Variants in GRID1 observed in about 807,000 individuals in gnomAD.
GRID1 encodes the protein glutamate receptor ionotropic, delta-1.
A neutral mutation model predicts 98.0 loss-of-function variants in GRID1; 28 were observed. The ratio of observed to expected loss-of-function variants is 0.29; its 90% CI spans 0.21 to 0.39. The LOEUF is 0.39. Ranked by LOEUF, GRID1 falls within the 10% of genes least tolerant of loss-of-function variation. The pLI, the probability that GRID1 is intolerant of heterozygous loss-of-function variation, is 1.00. For missense variants in GRID1, 1,111 were observed against 1,340.5 expected, an observed-to-expected ratio of 0.83 and a Z score of 2.67; for synonymous variants, 553 against 538.5, an observed-to-expected ratio of 1.03 and a Z score of -0.37.
At chr10:86,235,473 A>T (rs1331352649) in intron 2 of GRID1, among the ~76,000 whole-genome samples, 1 of 152,234 alleles carries the variant, frequency 6.6e-6, no homozygotes, top group African/African-American at 2.4e-5. Flanking sequence ...ACAATTGTGC[A>T]ACCATCCCCA....
At chr10:86,019,966 A>G (rs900085972) in intron 4 of GRID1, among the ~76,000 whole-genome samples, 9 of 152,252 alleles carry the variant, frequency 5.9e-5, no homozygotes, top group Non-Finnish European at 1.5e-5. Context: ...AAAGCTTGGA[A>G]TGCCCAATCT....
At chr10:86,079,683 T>C (rs1306394037) in intron 4 of GRID1, among the ~76,000 whole-genome samples, 2 of 152,134 alleles carry the variant, frequency 1.3e-5, no homozygotes, top group Non-Finnish European at 2.9e-5. Flanking sequence ...CTCCGTGTCC[T>C]CCTCTGTCCA....
chr10:86,190,816 C>T (rs1284648255), intron 3 of GRID1, among the ~76,000 whole-genome samples: 5 of 152,254 alleles, frequency 3.3e-5, no homozygotes, highest in Non-Finnish European at 4.4e-5. Context: ...TTAATGACTA[C>T]AGGCACTTCA....
At chr10:85,888,376 A>G (rs1409626216) in intron 5 of GRID1, among the ~76,000 whole-genome samples, 1 of 152,222 alleles carries the variant, frequency 6.6e-6, no homozygotes, top group Non-Finnish European at 1.5e-5. Flanking sequence ...CTCTCTGCTC[A>G]GTTCTGGCAA....
chr10:86,084,135 G>A (rs566175273), intron 4 of GRID1, among the ~76,000 whole-genome samples: 5 of 152,166 alleles, frequency 3.3e-5, no homozygotes, highest in East Asian at 1.9e-4. Flanking sequence ...AAGCAGTGAC[G>A]GGGTAGTAGG....
chr10:86,109,171 C>T (rs972692608), intron 4 of GRID1, among the ~76,000 whole-genome samples: 2 of 152,314 alleles, frequency 1.3e-5, no homozygotes, highest in Non-Finnish European at 2.9e-5. Flanking sequence ...TATCTTGCTT[C>T]AAGGTAGTTT....
intron 2 of GRID1, among the ~76,000 whole-genome samples, chr10:86,231,256 T>C (rs1027004709): frequency 5.9e-5 from 9 of 152,124 alleles, no homozygotes; most frequent in African/African-American, 2.2e-4. Flanking sequence ...AATCTGAAGA[T>C]AGTGTCTCCC....
At chr10:86,121,729 G>A (rs1371338505) in intron 4 of GRID1, among the ~76,000 whole-genome samples, 3 of 152,140 alleles carry the variant, frequency 2.0e-5, no homozygotes, top group Non-Finnish European at 4.4e-5. Flanking sequence ...TCAAATGACT[G>A]TCTTGTTAAA....
intron 2 of GRID1, among the ~76,000 whole-genome samples, chr10:86,311,015 C>T (rs1847824810): frequency 1.3e-5 from 2 of 151,874 alleles, no homozygotes; most frequent in African/African-American, 4.8e-5. Context: ...GTGAGGAGGA[C>T]ATGGGCAGGA....
intron 4 of GRID1, among the ~76,000 whole-genome samples, chr10:85,939,654 C>T (rs1841972919): frequency 6.6e-6 from 1 of 152,170 alleles, no homozygotes; most frequent in South Asian, 2.1e-4. Context: ...ATTGCGCCCA[C>T]CTGGATAACC....
intron 12 of GRID1, among the ~76,000 whole-genome samples, chr10:85,706,111 G>A (rs1350405097): frequency 1.3e-5 from 2 of 152,170 alleles, no homozygotes; most frequent in African/African-American, 4.8e-5. Flanking sequence ...GTTCTGGCCA[G>A]GGCAATCAGG....
intron 4 of GRID1, among the ~76,000 whole-genome samples, chr10:86,091,455 C>A (rs965954821): frequency 1.3e-5 from 2 of 152,086 alleles, no homozygotes; most frequent in African/African-American, 2.4e-5. Flanking sequence ...AATCTCACCC[C>A]CATCCCCCAC....
intron 4 of GRID1, among the ~76,000 whole-genome samples, chr10:86,026,360 A>G (rs777713508): frequency 7.9e-5 from 12 of 152,184 alleles, no homozygotes; most frequent in Non-Finnish European, 1.5e-4. Flanking sequence ...CAGTTTGTTA[A>G]TTTTCAAAAT....
In GRID1 at chr10:85,601,534, T is replaced by G. The variant is rs3812651; in HGVS notation, c.*739A>C. 17,216 of 152,216 alleles carry G rather than the reference T, an allele frequency of 0.11. 1,350 individuals are homozygous for G. Among genetic ancestry groups the G allele is most frequent in the African/African-American group, 0.21 (8,616 of 41,520 alleles). 9.4% of individuals were successfully genotyped at this position (152,216 alleles called of 1,614,324 possible). A position where few individuals can be genotyped will look rare whatever the true frequency, so the allele number is the denominator to read the frequency against. ...AGAAAATGAAAAACAAGGCCAACAG[T>G]ATGATATGAGAACAGCTCAGTATCA... is the stretch of plus-strand genomic sequence containing the variant. On this transcript the variant is annotated 3_prime_UTR_variant, in exon 16 of 16. Coordinates refer to ENST00000327946, the MANE Select transcript of GRID1 (RefSeq NM_017551.3).
At chr10:85,956,275 C>G (rs1208753330) in intron 4 of GRID1, among the ~76,000 whole-genome samples, 1 of 152,204 alleles carries the variant, frequency 6.6e-6, no homozygotes, top group Admixed American at 6.5e-5. Flanking sequence ...GTTCCTTACA[C>G]CTGGGCACCT....
chr10:85,628,911 C>T (rs1301203351), intron 13 of GRID1, among the ~76,000 whole-genome samples: 1 of 152,140 alleles, frequency 6.6e-6, no homozygotes, highest in Admixed American at 6.5e-5. Flanking sequence ...GTGGGAAGGC[C>T]TCTGGCTTGT....
chr10:85,778,279 T>C (rs969090712), intron 8 of GRID1, among the ~76,000 whole-genome samples: 2 of 151,990 alleles, frequency 1.3e-5, no homozygotes, highest in Non-Finnish European at 2.9e-5. Context: ...GTGGGAATCA[T>C]GATGGGGACC....
At chr10:85,706,321 GACAA>G (rs1243916615) in intron 12 of GRID1, among the ~76,000 whole-genome samples, 4 of 152,244 alleles carry the variant, frequency 2.6e-5, no homozygotes, top group South Asian at 2.1e-4. Context: ...ACCAATAACA[GACAA>G]ACAGAGAGCC....
intron 8 of GRID1, among the ~76,000 whole-genome samples, chr10:85,735,100 C>A (rs890499384): frequency 6.6e-6 from 1 of 152,182 alleles, no homozygotes; most frequent in Non-Finnish European, 1.5e-5. Flanking sequence ...CAGCTCCAGA[C>A]CATTTCATTT....
Sources: gnomAD v4.1 joint callset for allele counts (sites outside exome capture counted in the v4.1 genomes callset) on GRCh38, gnomAD v4.1.1 for gene constraint, MANE v1.5 for transcripts, NCBI Gene and HGNC (gene_info 2026-07-23, HGNC 2026-07-21) for gene names.